Variants in CCNG2 observed in about 807,000 individuals in gnomAD.
CCNG2 encodes cyclin G2, also known as cyclin-G2.
A neutral mutation model predicts 36.5 loss-of-function variants in CCNG2; 20 were observed. That is an observed-to-expected ratio of 0.55 (90% CI 0.39 to 0.80). The LOEUF is 0.80. CCNG2 is among the 30% of genes least tolerant of loss of function. The pLI, the probability that CCNG2 is intolerant of heterozygous loss-of-function variation, is 0.00. For synonymous variants in CCNG2, 155 were observed against 140.1 expected, an observed-to-expected ratio of 1.11 and a Z score of -0.75; for missense variants, 358 against 390.8, an observed-to-expected ratio of 0.92 and a Z score of 0.71.
chr4:77,157,521 C>G lies in CCNG2; in HGVS notation c.-1+15C>G, dbSNP rs923385377. On this transcript the variant is annotated intron_variant, in intron 1 of 7. Coordinates refer to ENST00000316355, the MANE Select transcript of CCNG2 (RefSeq NM_004354.3). ...TCTCCGGCACGGTGAGTGGACCCGC[C>G]CAGGGCCGCCGTGGGTTTCTTTGTT... 1 of 152,484 alleles carries G rather than the reference C, an allele frequency of 6.6e-6. No homozygotes were observed. The highest frequency in any genetic ancestry group is 1.5e-5 in the Non-Finnish European group (1 of 68,310). 9.4% of individuals were successfully genotyped at this position (152,484 alleles called of 1,614,324 possible).
At chr4:77,161,097 ATC>A in intron 4 of CCNG2, 126 bp downstream of exon 4, 20 of 475,112 alleles carry the variant, frequency 4.2e-5, no homozygotes, top group South Asian at 9.4e-5. Context: ...TTATTGGTAA[ATC>A]TTTTTTTTTT....
Position 77,168,586 on chromosome 4 carries a change from CTG to C in CCNG2, c.*2664_*2665del, listed in dbSNP as rs1731687820. 1 of 152,142 alleles carries C rather than the reference CTG, an allele frequency of 6.6e-6. No homozygotes were observed. The highest frequency in any genetic ancestry group is 1.5e-5 in the Non-Finnish European group (1 of 68,038). The allele number at this position is 152,142 out of a possible 1,614,324, so 9.4% of individuals were successfully genotyped here. Reference sequence around the variant, plus strand: ...AAAAAATGTGTATTGAGAAAGAACTCTGTTAGCTATACAGAAGATGAACTGGG... The same window carrying C: ...AAAAAATGTGTATTGAGAAAGAACTCTTAGCTATACAGAAGATGAACTGGG... On this transcript the variant is annotated 3_prime_UTR_variant, in exon 8 of 8. Coordinates refer to ENST00000316355, the MANE Select transcript of CCNG2 (RefSeq NM_004354.3).
rs1193621681 is a variant in CCNG2 at position 77,161,698 on chromosome 4, A to C, written c.656A>C (p.Lys219Thr). ...CTCAATTTGGAAGTGGAAACTTTGAAATCTGTTGAATTACTGGAAATTCTC... is the reference window on the plus strand; with the variant it reads ...CTCAATTTGGAAGTGGAAACTTTGACATCTGTTGAATTACTGGAAATTCTC... ...CLLNLEVETLKSVELLEILLL... is the reference protein window; with the variant it reads ...CLLNLEVETLTSVELLEILLL... The change falls in exon 6 of 8, where the codon AAA becomes ACA. Residue 219 changes from lysine (K) to threonine (T), a missense_variant. By Grantham distance (78) the Lys-to-Thr change is moderately conservative (BLOSUM62 -1). Transcript: ENST00000316355. The C allele has an allele frequency of 6.2e-7, 1 of 1,610,516 alleles. No homozygotes were observed. The highest frequency in any genetic ancestry group is 8.5e-7 in the Non-Finnish European group (1 of 1,178,792).
Position 77,166,116 on chromosome 4 carries a change from CTTAAACCA to C in CCNG2, c.*197_*204del. ...TAAGCCATCAAATGGGGTAGTGCCT[CTTAAACCA>C]TTAACAGTACTTTAGACATTGGCAC... On this transcript the variant is annotated 3_prime_UTR_variant, in exon 8 of 8. Coordinates refer to ENST00000316355, the MANE Select transcript of CCNG2 (RefSeq NM_004354.3). The C allele has an allele frequency of 2.3e-6, 1 of 437,478 alleles. No individual in the cohort carries two copies. The highest frequency in any genetic ancestry group is 3.8e-5 in the East Asian group (1 of 26,428). The allele number at this position is 437,478 out of a possible 1,614,324, so 27.1% of individuals were successfully genotyped here. A position where few individuals can be genotyped will look rare whatever the true frequency, so the allele number is the denominator to read the frequency against.
Position 77,161,560 on chromosome 4 carries a change from T to C in CCNG2, c.606+2T>C. The C allele has an allele frequency of 6.2e-7, 1 of 1,606,474 alleles. No individual in the cohort carries two copies. Among genetic ancestry groups the C allele is most frequent in the South Asian group, 1.1e-5 (1 of 89,616 alleles). On this transcript the variant is annotated splice_donor_variant, in intron 5 of 7. Transcript: ENST00000316355. LOFTEE classifies it high-confidence loss of function. Reference sequence around the variant, plus strand: ...CGACTCATCTTTTCAAAAGCAAAAGTAAGTCGATTCCTTGCTTATGTATAT... The same window carrying C: ...CGACTCATCTTTTCAAAAGCAAAAGCAAGTCGATTCCTTGCTTATGTATAT...
Position 77,165,805 on chromosome 4 carries a change from G to T in CCNG2, c.916G>T (p.Asp306Tyr). 1 of 1,569,400 alleles carries T rather than the reference G, an allele frequency of 6.4e-7. No individual in the cohort carries two copies. Among genetic ancestry groups the T allele is most frequent in the Non-Finnish European group, 8.6e-7 (1 of 1,161,596 alleles). ...GGCFDESESE[D>Y]SCEDMSCGEE... ...TTTGTCTCTTTTTCTCTTTAGTGAG[G>T]ACTCTTGTGAAGATATGAGTTGTGG... Residue 306 changes from aspartate (D) to tyrosine (Y), a missense_variant, in exon 8 of 8, where the codon GAC (aspartate) becomes TAC (tyrosine). By Grantham distance (160) the Asp-to-Tyr change is radical (BLOSUM62 -3). Coordinates refer to ENST00000316355, the MANE Select transcript of CCNG2 (RefSeq NM_004354.3).
rs1731660603 is a variant in CCNG2 at position 77,167,616 on chromosome 4, G to C, written c.*1692G>C. 1 of 152,210 alleles carries C rather than the reference G, an allele frequency of 6.6e-6. No individual in the cohort carries two copies. The highest frequency in any genetic ancestry group is 1.9e-4 in the East Asian group (1 of 5,196). 9.4% of individuals were successfully genotyped at this position (152,210 alleles called of 1,614,324 possible). A position where few individuals can be genotyped will look rare whatever the true frequency, so the allele number is the denominator to read the frequency against. On this transcript the variant is annotated 3_prime_UTR_variant, in exon 8 of 8. Coordinates refer to ENST00000316355, the MANE Select transcript of CCNG2 (RefSeq NM_004354.3). ...AGGGCCCCGCCAGCTTCTGGCTCTT[G>C]TGGACCTCAAAAGTATCAGGTGGTT...
intron 1 of CCNG2, 43 bp downstream of exon 1, chr4:77,157,549 TG>T (rs1731294937): frequency 6.6e-6 from 1 of 152,404 alleles, no homozygotes; most frequent in Non-Finnish European, 1.5e-5. Context: ...TCTTTGTTCG[TG>T]GTGGGGACTG....
Position 77,158,667 on chromosome 4 carries a change from G to T in CCNG2, c.135G>T (p.Pro45=), listed in dbSNP as rs1269992132. Residue 45 remains proline (P), a synonymous_variant, in exon 2 of 8, where the codon CCG becomes CCT. Transcript: ENST00000316355. ...GGCTGAGTTTGATTGAGGCTACCCC[G>T]GAGGTAAGTTGGCAGAAAAGATAAC... is the stretch of plus-strand genomic sequence containing the variant. ...EKGLSLIEAT[P]ENDNTLCPGL... 6.2e-7 allele frequency: 1 copy of T among 1,614,084 alleles called. No individual in the cohort carries two copies. Among genetic ancestry groups the T allele is most frequent in the Non-Finnish European group, 8.5e-7 (1 of 1,180,002 alleles).
At chr4:77,160,542 G>T (rs76936298) in intron 3 of CCNG2, among the ~76,000 whole-genome samples, 179 bp from the exon 4 acceptor site, 9 of 148,804 alleles carry the variant, frequency 6.0e-5, no homozygotes, top group Non-Finnish European at 1.0e-4. Flanking sequence ...GGGGGGGGGG[G>T]GAGGTCGAGA....
rs1731713013 is a variant in CCNG2, at chr4:77,169,443, A to G, written c.*3519A>G. The G allele has an allele frequency of 6.6e-6, 1 of 152,212 alleles. No individual in the cohort carries two copies. The highest frequency in any genetic ancestry group is 2.4e-5 in the African/African-American group (1 of 41,444). The allele number at this position is 152,212 out of a possible 1,614,324, so 9.4% of individuals were successfully genotyped here. Reference sequence around the variant, plus strand: ...GTGTGATAGATAGTTTCCCAGTATGATGGCCAGTCAGTCTTTCCATCCCTG... The same window carrying G: ...GTGTGATAGATAGTTTCCCAGTATGGTGGCCAGTCAGTCTTTCCATCCCTG... On this transcript the variant is annotated 3_prime_UTR_variant, in exon 8 of 8. Coordinates refer to ENST00000316355, the MANE Select transcript of CCNG2 (RefSeq NM_004354.3).
At chr4:77,161,164 G>A (rs990187645) in intron 4 of CCNG2, among the ~76,000 whole-genome samples, 193 bp downstream of exon 4, 3 of 146,560 alleles carry the variant, frequency 2.0e-5, no homozygotes, top group African/African-American at 5.1e-5. Context: ...GTGCAATGGC[G>A]TGATCTCGGC....
rs1479507949 is a variant in CCNG2 at position 77,167,057 on chromosome 4, T to C, written c.*1133T>C. 1 of 152,228 alleles carries C rather than the reference T, an allele frequency of 6.6e-6. No individual in the cohort carries two copies. Among genetic ancestry groups the C allele is most frequent in the Non-Finnish European group, 1.5e-5 (1 of 68,038 alleles). The allele number at this position is 152,228 out of a possible 1,614,324, so 9.4% of individuals were successfully genotyped here. ...TGTGTGATAGTCTAGTCATTGCATGTAAATATAATTTATTATGTATTCTGT... is the reference window on the plus strand; with the variant it reads ...TGTGTGATAGTCTAGTCATTGCATGCAAATATAATTTATTATGTATTCTGT... On this transcript the variant is annotated 3_prime_UTR_variant, in exon 8 of 8. Coordinates refer to ENST00000316355, the MANE Select transcript of CCNG2 (RefSeq NM_004354.3).
chr4:77,158,148 C>T (rs895657073), intron 1 of CCNG2: 6 of 194,194 alleles, frequency 3.1e-5, no homozygotes, highest in Non-Finnish European at 6.4e-5. Flanking sequence ...AACACCCCAT[C>T]CCCGGGACCC....
chr4:77,164,556 T>C (rs1731577170), intron 7 of CCNG2, 77 bp downstream of exon 7: 1 of 1,079,438 alleles, frequency 9.3e-7, no homozygotes, highest in Non-Finnish European at 1.4e-6. Context: ...ACTGGAATAG[T>C]GTAAGACATC....
chr4:77,166,253 A>C lies in CCNG2; in HGVS notation c.*329A>C, dbSNP rs1731631882. 1 of 166,770 alleles carries C rather than the reference A, an allele frequency of 6.0e-6. No individual in the cohort carries two copies. The highest frequency in any genetic ancestry group is 1.7e-4 in the East Asian group (1 of 5,886). The allele number at this position is 166,770 out of a possible 1,614,324, so 10.3% of individuals were successfully genotyped here. A position where few individuals can be genotyped will look rare whatever the true frequency, so the allele number is the denominator to read the frequency against. On this transcript the variant is annotated 3_prime_UTR_variant, in exon 8 of 8. Transcript: ENST00000316355. ...TTTTTAAAAATAACTAGTGTAGCTTATCTTAAACATTTTATAAAACCTTCA... is the reference window on the plus strand; with the variant it reads ...TTTTTAAAAATAACTAGTGTAGCTTCTCTTAAACATTTTATAAAACCTTCA...
intron 6 of CCNG2, among the ~76,000 whole-genome samples, chr4:77,163,934 C>T (rs1043761879): frequency 2.0e-5 from 3 of 152,222 alleles, no homozygotes; most frequent in Non-Finnish European, 4.4e-5. Flanking sequence ...GATTTATTAA[C>T]AGACCCAGAG....
In CCNG2 at chr4:77,166,409, A is replaced by G. The variant is rs1041756287; in HGVS notation, c.*485A>G. The G allele has an allele frequency of 1.3e-5, 2 of 152,122 alleles. No homozygotes were observed. Among genetic ancestry groups the G allele is most frequent in the African/African-American group, 4.8e-5 (2 of 41,408 alleles). 9.4% of individuals were successfully genotyped at this position (152,122 alleles called of 1,614,324 possible). A position where few individuals can be genotyped will look rare whatever the true frequency, so the allele number is the denominator to read the frequency against. ...GTGAGTATGCTCTTAAATGTCAAACACATTTTTGTTGTTTTGTTTTTTAAA... is the reference window on the plus strand; with the variant it reads ...GTGAGTATGCTCTTAAATGTCAAACGCATTTTTGTTGTTTTGTTTTTTAAA... On this transcript the variant is annotated 3_prime_UTR_variant, in exon 8 of 8. Coordinates refer to ENST00000316355, the MANE Select transcript of CCNG2 (RefSeq NM_004354.3).
In CCNG2 at chr4:77,161,464, TC is replaced by T. The variant is rs779976461; in HGVS notation, c.528-15del. ...CTTTGGAAGTTTAATAAATCTTTGT[TC>T]TTTGCATTGTATAGGAAAGAAATAC... On this transcript the variant is annotated splice_polypyrimidine_tract_variant and intron_variant, in intron 4 of 7. Transcript: ENST00000316355. 4.7e-5 allele frequency: 73 copies of T among 1,540,418 alleles called. No individual in the cohort carries two copies. The highest frequency in any genetic ancestry group is 1.4e-4 in the Admixed American group (7 of 48,680).
Sources: allele counts gnomAD v4.1 joint callset (sites outside exome capture counted in the v4.1 genomes callset), GRCh38; gene constraint gnomAD v4.1.1; transcripts MANE v1.5; gene names NCBI Gene and HGNC (gene_info 2026-07-23, HGNC 2026-07-21).